Variants in EDA observed in about 807,000 individuals in gnomAD.
The protein encoded by EDA is ectodysplasin A.
A neutral mutation model predicts 23.6 loss-of-function variants in EDA; 2 were observed. The observed-to-expected ratio is 0.08, with a 90% CI of 0.03 to 0.27. EDA has a LOEUF of 0.27. EDA is among the 10% of genes least tolerant of loss of function. The pLI is 1.00. For missense variants in EDA, 229 were observed against 324.2 expected (o/e 0.71, Z 2.26); for synonymous variants, 131 against 132.0 (o/e 0.99, Z 0.05).
chrX:69,789,696 A>G (rs970301391), intron 1 of EDA, among the ~76,000 whole-genome samples: 39 of 111,537 alleles, frequency 3.5e-4, no homozygotes, highest in African/African-American at 1.3e-3. Flanking sequence ...TAAAAATTGT[A>G]TCTATATTCC....
chrX:69,821,521 G>T (rs1480098819), intron 1 of EDA, among the ~76,000 whole-genome samples: 1 of 111,827 alleles, frequency 8.9e-6, no homozygotes, highest in East Asian at 2.8e-4. Flanking sequence ...ATCTTAAATG[G>T]TTAGTCTCAC....
At chrX:69,819,438 CTTTG>C (rs1014146743) in intron 1 of EDA, among the ~76,000 whole-genome samples, 7 of 112,179 alleles carry the variant, frequency 6.2e-5, no homozygotes, top group Non-Finnish European at 1.3e-4. Flanking sequence ...GTCAAATTAT[CTTTG>C]TTTGTAGATG....
At chrX:69,961,031 A>AG (rs2019094072) in intron 2 of EDA, among the ~76,000 whole-genome samples, 1 of 103,692 alleles carries the variant, frequency 9.6e-6, no homozygotes, top group East Asian at 3.5e-4. Context: ...AAAAGAAAAA[A>AG]AAAGAAAGAA....
intron 1 of EDA, among the ~76,000 whole-genome samples, chrX:69,823,031 A>C (rs757753978): frequency 2.6e-4 from 26 of 99,439 alleles, no homozygotes; most frequent in African/African-American, 9.7e-4. Context: ...TGAACTCATC[A>C]TTTTTTATGG....
At chrX:69,643,864 A>G (rs1004505803) in intron 1 of EDA, among the ~76,000 whole-genome samples, 5 of 111,639 alleles carry the variant, frequency 4.5e-5, no homozygotes, top group African/African-American at 1.3e-4. Flanking sequence ...TTAAATAGGG[A>G]ATCGTTTCCC....
At chrX:69,914,371 T>C (rs771518622) in intron 1 of EDA, among the ~76,000 whole-genome samples, 1 of 112,220 alleles carries the variant, frequency 8.9e-6, no homozygotes, top group African/African-American at 3.2e-5. Context: ...TTAAGCGACC[T>C]TCCCAGTGTC....
intron 1 of EDA, among the ~76,000 whole-genome samples, chrX:69,810,245 G>A (rs911587193): frequency 1.6e-5 from 1 of 62,090 alleles, no homozygotes; most frequent in Non-Finnish European, 2.7e-5. Context: ...GTGACAGAGC[G>A]AGACTCCATC....
Position 70,037,604 on chromosome X carries a change from A to G in EDA, c.*1995A>G, listed in dbSNP as rs2020283310. The G allele has an allele frequency of 8.9e-6, 1 of 111,919 alleles. No homozygotes were observed. The highest frequency in any genetic ancestry group is 3.3e-5 in the African/African-American group (1 of 30,745). 9.2% of individuals were successfully genotyped at this position (111,919 alleles called of 1,213,427 possible). On this transcript the variant is annotated 3_prime_UTR_variant, in exon 8 of 8. Coordinates refer to ENST00000374552, the MANE Select transcript of EDA (RefSeq NM_001399.5). ...AAGCCGCAGACCTGGAGCTTCAGCC[A>G]GGTCTGACTCCAAAGCTGTTCCATT...
chrX:69,934,508 C>T (rs964028922), intron 1 of EDA, among the ~76,000 whole-genome samples: 9 of 111,810 alleles, frequency 8.0e-5, no homozygotes, highest in Non-Finnish European at 1.7e-4. Context: ...TATCAGCCAG[C>T]ATCCTATTCA....
At chrX:69,800,361 T>C (rs1255270078) in intron 1 of EDA, among the ~76,000 whole-genome samples, 1 of 111,609 alleles carries the variant, frequency 9.0e-6, no homozygotes, top group Non-Finnish European at 1.9e-5. Context: ...TGTTATATTT[T>C]TCAAAATAGC....
chrX:70,032,649 C>T (rs1212140103), intron 6 of EDA, among the ~76,000 whole-genome samples: 3 of 111,427 alleles, frequency 2.7e-5, no homozygotes, highest in African/African-American at 9.8e-5. Context: ...GCCCCCTCCA[C>T]CCCTGCCTGG....
intron 1 of EDA, among the ~76,000 whole-genome samples, chrX:69,865,232 C>T: frequency 9.1e-6 from 1 of 110,291 alleles, no homozygotes; most frequent in Non-Finnish European, 1.9e-5. Context: ...AATAAAGCCT[C>T]TGTATTAGTC....
chrX:69,785,967 C>T (rs1194397394), intron 1 of EDA, among the ~76,000 whole-genome samples: 1 of 111,106 alleles, frequency 9.0e-6, no homozygotes, highest in African/African-American at 3.3e-5. Flanking sequence ...GCCGCAATTT[C>T]AGCTCCTGTT....
At chrX:69,783,313 T>G (rs1338652842) in intron 1 of EDA, among the ~76,000 whole-genome samples, 2 of 110,464 alleles carry the variant, frequency 1.8e-5, no homozygotes, top group Non-Finnish European at 3.8e-5. Flanking sequence ...ATACTTTAAG[T>G]TTTAGGGTAC....
chrX:69,813,568 G>A (rs766409467), intron 1 of EDA, among the ~76,000 whole-genome samples: 33 of 111,627 alleles, frequency 3.0e-4, no homozygotes, highest in African/African-American at 1.1e-3. Flanking sequence ...AAGTCCTCAA[G>A]AACAGGGACT....
chrX:69,761,927 G>T (rs759616568), intron 1 of EDA, among the ~76,000 whole-genome samples: 1 of 111,095 alleles, frequency 9.0e-6, no homozygotes, highest in Admixed American at 9.6e-5. Flanking sequence ...AACATAGGGA[G>T]TCCTCTTATG....
At chrX:69,710,534 A>G (rs1487992425) in intron 1 of EDA, among the ~76,000 whole-genome samples, 1 of 111,804 alleles carries the variant, frequency 8.9e-6, no homozygotes, top group Non-Finnish European at 1.9e-5. Flanking sequence ...GAAGAGAGTC[A>G]TTGGTAAATT....
chrX:69,647,549 G>T (rs1424284494), intron 1 of EDA, among the ~76,000 whole-genome samples: 1 of 111,987 alleles, frequency 8.9e-6, no homozygotes, highest in Non-Finnish European at 1.9e-5. Context: ...GGTTGGCTGT[G>T]TTCCTCTCTA....
chrX:69,837,878 G>T (rs775698578), intron 1 of EDA, among the ~76,000 whole-genome samples: 1 of 112,485 alleles, frequency 8.9e-6, no homozygotes, highest in South Asian at 3.7e-4. Context: ...GGGGACTCAA[G>T]AACTGATCCC....
Sources: gnomAD v4.1 joint callset for allele counts (sites outside exome capture counted in the v4.1 genomes callset) on GRCh38, gnomAD v4.1.1 for gene constraint, MANE v1.5 for transcripts, NCBI Gene and HGNC (gene_info 2026-07-23, HGNC 2026-07-21) for gene names.